Variants in ATRNL1 observed in about 807,000 individuals in gnomAD.
ATRNL1 encodes attractin like 1.
Under a neutral mutation model 182.7 loss-of-function variants are expected in ATRNL1, and 95 were observed. The observed-to-expected ratio is 0.52, with a 90% CI of 0.44 to 0.62. The LOEUF is 0.62. Among genes scored for constraint, ATRNL1 ranks in the 20% least tolerant of loss-of-function variants. The pLI is 0.00. For missense variants in ATRNL1, 1,471 were observed against 1,679.5 expected (o/e 0.88, Z 2.17); for synonymous variants, 576 against 568.3 (o/e 1.01, Z -0.19).
chr10:115,756,888 G>T (rs1474842758), intron 27 of ATRNL1, among the ~76,000 whole-genome samples: 1 of 152,096 alleles, frequency 6.6e-6, no homozygotes, highest in African/African-American at 2.4e-5. Flanking sequence ...AGCTCTTCTT[G>T]TTGCATTGAT....
rs147521907 is a variant in ATRNL1 at position 115,276,891 on chromosome 10, A to G, written c.2101-4464A>G. Among the ~76,000 whole-genome samples, 277 of 152,212 alleles carry G rather than the reference A, an allele frequency of 1.8e-3. 4 individuals carry two copies. The East Asian group carries it at 0.045, about 25-fold the overall frequency. On this transcript the variant is annotated intron_variant, in intron 13 of 28. Transcript: ENST00000355044. ...TGTACTTGTTTAGTATCAATAAATGACTATATTTTTCTTAATGAAGAGCAG... is the reference window on the plus strand; with the variant it reads ...TGTACTTGTTTAGTATCAATAAATGGCTATATTTTTCTTAATGAAGAGCAG...
intron 26 of ATRNL1, among the ~76,000 whole-genome samples, chr10:115,595,516 C>T (rs369084869): frequency 6.6e-6 from 1 of 152,072 alleles, no homozygotes; most frequent in Admixed American, 6.6e-5. Flanking sequence ...TTTATTAAGG[C>T]AGTAGTTAAG....
intron 28 of ATRNL1, among the ~76,000 whole-genome samples, chr10:115,924,533 A>C (rs1287503018): frequency 6.6e-6 from 1 of 152,002 alleles, no homozygotes; most frequent in Non-Finnish European, 1.5e-5. Context: ...TGTTTTTGTC[A>C]GGTTTGTGGC....
chr10:115,772,045 ACAGT>A (rs1305621880), intron 27 of ATRNL1, among the ~76,000 whole-genome samples: 19 of 152,352 alleles, frequency 1.2e-4, no homozygotes, highest in African/African-American at 4.6e-4. Context: ...GTCAGGATAG[ACAGT>A]CCTTACAAGA....
intron 26 of ATRNL1, among the ~76,000 whole-genome samples, chr10:115,675,362 CCTGT>C (rs1565274020): frequency 6.6e-6 from 1 of 151,778 alleles, no homozygotes; most frequent in Non-Finnish European, 1.5e-5. Context: ...AGAGCAAGAC[CCTGT>C]CTCTTACAAA....
At chr10:115,460,947 T>G (rs1327601035) in intron 21 of ATRNL1, among the ~76,000 whole-genome samples, 1 of 152,136 alleles carries the variant, frequency 6.6e-6, no homozygotes, top group African/African-American at 2.4e-5. Context: ...ATAATTCTCA[T>G]TATCAGATAT....
chr10:115,943,028 A>G (rs1953775218), intron 28 of ATRNL1, among the ~76,000 whole-genome samples: 1 of 152,234 alleles, frequency 6.6e-6, no homozygotes, highest in Non-Finnish European at 1.5e-5. Context: ...ATTAAACAAT[A>G]TGCTTCTTAA....
rs141498220 is a variant in ATRNL1, at chr10:115,135,888, C to T, written c.829+6353C>T. Among the ~76,000 whole-genome samples the T allele has an allele frequency of 3.7e-3, 567 of 152,022 alleles. 4 individuals are homozygous for T. The highest frequency in any genetic ancestry group is 0.013 in the African/African-American group (535 of 41,434). ...TTTTTCTTTTTCTTGGAGATAGGAT[C>T]TCACTCTGTGGCTCAGGCTAGAGTG... On this transcript the variant is annotated intron_variant, in intron 5 of 28. Transcript: ENST00000355044.
chr10:115,214,863 A>G (rs1849168639), intron 8 of ATRNL1, among the ~76,000 whole-genome samples: 1 of 152,148 alleles, frequency 6.6e-6, no homozygotes, highest in East Asian at 1.9e-4. Context: ...TGGGATTTTA[A>G]TATCGGAAAT....
intron 27 of ATRNL1, among the ~76,000 whole-genome samples, chr10:115,839,025 A>T (rs1950743498): frequency 6.6e-6 from 1 of 152,180 alleles, no homozygotes; most frequent in African/African-American, 2.4e-5. Context: ...GTCATTTATT[A>T]TGTGGATCTA....
chr10:115,725,543 T>G (rs554146463), intron 26 of ATRNL1, among the ~76,000 whole-genome samples: 262 of 152,256 alleles, frequency 1.7e-3, no homozygotes, highest in African/African-American at 6.0e-3. Context: ...GGAGAACAAA[T>G]ACAAATGGAG....
At chr10:115,808,047 C>T (rs1949962414) in intron 27 of ATRNL1, among the ~76,000 whole-genome samples, 1 of 152,074 alleles carries the variant, frequency 6.6e-6, no homozygotes, top group Non-Finnish European at 1.5e-5. Flanking sequence ...TTTTATCATT[C>T]CATCTTATAT....
At chr10:115,305,146 C>T (rs540764118) in intron 17 of ATRNL1, among the ~76,000 whole-genome samples, 2 of 151,760 alleles carry the variant, frequency 1.3e-5, no homozygotes, top group African/African-American at 2.4e-5. Context: ...GAGTCATCTT[C>T]CCATTTAGAG....
At chr10:115,705,972 T>G (rs782435062) in intron 26 of ATRNL1, among the ~76,000 whole-genome samples, 3 of 151,974 alleles carry the variant, frequency 2.0e-5, no homozygotes, top group Non-Finnish European at 1.5e-5. Context: ...TTCTTACATT[T>G]TCTTATATCA....
chr10:115,656,644 A>C (rs1203102049), intron 26 of ATRNL1, among the ~76,000 whole-genome samples: 1 of 152,208 alleles, frequency 6.6e-6, no homozygotes, highest in Admixed American at 6.5e-5. Context: ...TGAATGAATA[A>C]AATGATTGTA....
chr10:115,715,804 G>A (rs761983013), intron 26 of ATRNL1, among the ~76,000 whole-genome samples: 7 of 152,158 alleles, frequency 4.6e-5, no homozygotes, highest in Admixed American at 6.5e-5. Flanking sequence ...CAAAGTTCAC[G>A]TCAAGGTATT....
intron 26 of ATRNL1, among the ~76,000 whole-genome samples, chr10:115,589,253 T>C (rs1555011403): frequency 6.6e-6 from 1 of 152,202 alleles, no homozygotes; most frequent in Non-Finnish European, 1.5e-5. Flanking sequence ...CAGAGAATTA[T>C]GTGCAATGGT....
At chr10:115,831,260 C>T (rs1950553741) in intron 27 of ATRNL1, among the ~76,000 whole-genome samples, 1 of 152,104 alleles carries the variant, frequency 6.6e-6, no homozygotes, top group Non-Finnish European at 1.5e-5. Flanking sequence ...TCACGCCCCT[C>T]TCCCCTCCTA....
At chr10:115,672,359 A>T (rs1945723219) in intron 26 of ATRNL1, among the ~76,000 whole-genome samples, 1 of 152,104 alleles carries the variant, frequency 6.6e-6, no homozygotes, top group South Asian at 2.1e-4. Flanking sequence ...TCTTTTTCCA[A>T]CTTATTGTAT....
Sources: gnomAD v4.1 joint callset for allele counts (sites outside exome capture counted in the v4.1 genomes callset) on GRCh38, gnomAD v4.1.1 for gene constraint, MANE v1.5 for transcripts, NCBI Gene and HGNC (gene_info 2026-07-23, HGNC 2026-07-21) for gene names.